Variants in SLC6A16 observed in about 807,000 individuals in gnomAD.
SLC6A16 encodes orphan sodium- and chloride-dependent neurotransmitter transporter NTT5.
Under a neutral mutation model 65.4 loss-of-function variants are expected in SLC6A16, and 54 were observed. That is an observed-to-expected ratio of 0.83 (90% CI 0.66 to 1.04). The LOEUF (loss-of-function observed/expected upper bound fraction) is 1.04, where lower values mean the gene tolerates loss of function less well. Ranked by LOEUF, SLC6A16 falls within the 50% of genes least tolerant of loss-of-function variation. SLC6A16 has a pLI of 0.00. For missense variants in SLC6A16, 816 were observed against 914.0 expected (o/e 0.89, Z 1.38); for synonymous variants, 330 against 346.5 (o/e 0.95, Z 0.53).
chr19:49,337,520 G>A, the SLC6A16 span: 7 of 769,386 alleles, frequency 9.1e-6, no homozygotes, highest in South Asian at 1.8e-5. Context: ...TACTTGGGAG[G>A]TCGAGGTGGG....
At chr19:49,323,113 G>A (rs1332131249) in intron 1 of SLC6A16, among the ~76,000 whole-genome samples, 2 of 152,078 alleles carry the variant, frequency 1.3e-5, no homozygotes. Context: ...ACTACTCAAT[G>A]AGTAAAGGAC....
intron 1 of SLC6A16, among the ~76,000 whole-genome samples, chr19:49,319,485 ATATACT>A (rs1291385424): frequency 6.3e-4 from 95 of 150,940 alleles, no homozygotes; most frequent in Admixed American, 2.7e-3. Flanking sequence ...ATGTATATAC[ATATACT>A]TATACATATA....
intron 2 of SLC6A16, 48 bp downstream of exon 2, chr19:49,310,885 G>A (rs549939707): frequency 1.2e-5 from 16 of 1,371,144 alleles, no homozygotes; most frequent in African/African-American, 1.4e-5. Flanking sequence ...ACAGGACTCT[G>A]TCCTGATTGC....
chr19:49,337,623 T>G, the SLC6A16 span: 1 of 1,474,430 alleles, frequency 6.8e-7, no homozygotes, highest in Non-Finnish European at 9.0e-7. Flanking sequence ...AATAAATTAA[T>G]AGAAAGACAC....
the SLC6A16 span, chr19:49,339,811 G>A: frequency 2.2e-6 from 3 of 1,352,482 alleles, no homozygotes; most frequent in African/African-American, 1.5e-5. The surrounding 1 kb of genome is among the most constrained non-coding windows in gnomAD (Gnocchi z 4.5). Flanking sequence ...GGGTGGCTGG[G>A]GCATGGCGGG....
chr19:49,304,318 C>T (rs1970341748), intron 7 of SLC6A16, among the ~76,000 whole-genome samples: 2 of 152,240 alleles, frequency 1.3e-5, no homozygotes, highest in African/African-American at 4.8e-5. Context: ...ATAAAGGCCA[C>T]TGCAACCTTA....
At chr19:49,302,567 T>G (rs1218601593) in intron 7 of SLC6A16, among the ~76,000 whole-genome samples, 1 of 152,078 alleles carries the variant, frequency 6.6e-6, no homozygotes, top group Non-Finnish European at 1.5e-5. Context: ...CTCAAGACTA[T>G]AAAAATCATG....
At chr19:49,295,756 A>G (rs1173468152) in intron 7 of SLC6A16, among the ~76,000 whole-genome samples, 1 of 152,158 alleles carries the variant, frequency 6.6e-6, no homozygotes. Context: ...TTTCAGATAC[A>G]AAAGGGGGCC....
Position 49,294,394 on chromosome 19 carries a change from C to T in SLC6A16, c.1389G>A (p.Glu463=), listed in dbSNP as rs1568524918. Residue 463 remains glutamate (E), a synonymous_variant, in exon 8 of 12, where the codon GAG becomes GAA. Transcript: ENST00000335875. ...TAAGAAACTGAGTCTCTATGTTGCA[C>T]TCAGTCACCTCGCGGAGAACCATGC... ...IKSMVLREVT[E]CNIETQFLKA... 6.2e-7 allele frequency: 1 copy of T among 1,614,128 alleles called. No homozygotes were observed. Among genetic ancestry groups the T allele is most frequent in the Non-Finnish European group, 8.5e-7 (1 of 1,180,034 alleles).
chr19:49,324,863 G>A (rs2146186811), intron 1 of SLC6A16, among the ~76,000 whole-genome samples, 185 bp downstream of exon 1: 1 of 152,268 alleles, frequency 6.6e-6, no homozygotes, highest in African/African-American at 2.4e-5. Flanking sequence ...GTCCTACGTG[G>A]GGGGTAAAGG....
At chr19:49,295,851 G>T (rs1335252411) in intron 7 of SLC6A16, among the ~76,000 whole-genome samples, 1 of 152,122 alleles carries the variant, frequency 6.6e-6, no homozygotes. Context: ...CACTTCAAAG[G>T]GCTACACCTT....
the SLC6A16 span, chr19:49,339,274 G>T: frequency 2.7e-6 from 4 of 1,498,026 alleles, no homozygotes; most frequent in Non-Finnish European, 3.7e-6. This position sits in a 1 kb window ranked among gnomAD's most constrained non-coding sequence, Gnocchi z 4.5. Context: ...AGAACGCTGG[G>T]CCTGGGCTTG....
intron 7 of SLC6A16, among the ~76,000 whole-genome samples, chr19:49,295,120 A>AC (rs1421258931): frequency 2.0e-5 from 3 of 151,878 alleles, no homozygotes; most frequent in Non-Finnish European, 4.4e-5. Flanking sequence ...CTCCACCCCC[A>AC]CCACCATTCT....
chr19:49,293,793 G>A (rs1240646703), intron 9 of SLC6A16, 34 bp downstream of exon 9: 10 of 1,584,488 alleles, frequency 6.3e-6, no homozygotes, highest in Non-Finnish European at 7.8e-6. Flanking sequence ...AGGGGTCAGG[G>A]TCATTGTTAG....
At chr19:49,339,493 C>T in the SLC6A16 span, 2 of 1,543,952 alleles carry the variant, frequency 1.3e-6, no homozygotes, top group Non-Finnish European at 1.8e-6. The surrounding 1 kb of genome is among the most constrained non-coding windows in gnomAD (Gnocchi z 4.5). Flanking sequence ...CCTTCGGTTG[C>T]CTGGGAAGGA....
chr19:49,331,104 A>C, the SLC6A16 span, among the ~76,000 whole-genome samples: 1 of 152,184 alleles, frequency 6.6e-6, no homozygotes. Context: ...TCCGAAATTA[A>C]GGTGTCAGCA....
upstream of SLC6A16, among the ~76,000 whole-genome samples, chr19:49,325,944 A>G (rs930922394): frequency 6.6e-6 from 1 of 152,020 alleles, no homozygotes; most frequent in African/African-American, 2.4e-5. Context: ...CGGGTGGATC[A>G]CGAGGTCAGG....
intron 8 of SLC6A16, 58 bp downstream of exon 8, chr19:49,294,309 C>A: frequency 6.5e-7 from 1 of 1,528,222 alleles, no homozygotes; most frequent in South Asian, 1.2e-5. Flanking sequence ...GCTAAAATTT[C>A]TGTTGTGCTA....
At chr19:49,337,016 C>T in the SLC6A16 span, 15 of 1,613,360 alleles carry the variant, frequency 9.3e-6, no homozygotes, top group South Asian at 8.8e-5. Context: ...CAAGGAGCTC[C>T]GCTGCCTCCT....
Sources: gnomAD v4.1 joint callset for allele counts (sites outside exome capture counted in the v4.1 genomes callset) on GRCh38, gnomAD v4.1.1 for gene constraint, Gnocchi (gnomAD v3.1) non-coding constraint, MANE v1.5 for transcripts, NCBI Gene and HGNC (gene_info 2026-07-23, HGNC 2026-07-21) for gene names.